TYW1B: variants seen among roughly 807,000 people sequenced by gnomAD.
TYW1B encodes the protein S-adenosyl-L-methionine-dependent tRNA 4-demethylwyosine synthase TYW1B.
A neutral mutation model predicts 86.9 loss-of-function variants in TYW1B; 73 were observed. The observed-to-expected ratio is 0.84, with a 90% confidence interval of 0.70 to 1.02. The LOEUF (loss-of-function observed/expected upper bound fraction) is 1.02. Ranked by LOEUF, TYW1B falls within the 50% of genes least tolerant of loss-of-function variation. The pLI is 0.00. For missense variants in TYW1B, 637 were observed against 827.4 expected (o/e 0.77, Z 2.82); for synonymous variants, 248 against 292.8 (o/e 0.85, Z 1.56).
Position 72,575,063 on chromosome 7 carries a change from T to C in TYW1B, c.*435A>G, listed in dbSNP as rs1810988912. 1 of 1,002,022 alleles carries C rather than the reference T, an allele frequency of 1.0e-6. No homozygotes were observed. Among genetic ancestry groups the C allele is most frequent in the Admixed American group, 5.3e-5 (1 of 18,916 alleles). The allele number at this position is 1,002,022 out of a possible 1,614,324, so 62.1% of individuals were successfully genotyped here. Reference sequence around the variant, plus strand: ...TCTTATCTTAGAAAGCACAGACACGTTTAGCTCAGGGTAGTGCAATTCAAT... The same window carrying C: ...TCTTATCTTAGAAAGCACAGACACGCTTAGCTCAGGGTAGTGCAATTCAAT... On this transcript the variant is annotated 3_prime_UTR_variant, in exon 14 of 14. Transcript: ENST00000620995.
chr7:72,612,607 C>T lies in TYW1B; in HGVS notation c.1785+4065G>A, dbSNP rs182615005. On this transcript the variant is annotated intron_variant, in intron 13 of 13. Coordinates refer to ENST00000620995, the MANE Select transcript of TYW1B (RefSeq NM_001145440.3). ...GGCTGAACAAAATCATCACCACTAA[C>T]GAGGGAGATGTGGACACCAGGTACC... 2.5e-4 allele frequency among the ~76,000 whole-genome samples: 38 copies of T among 152,168 alleles called. 1 individual carries two copies. The East Asian group carries it at 5.8e-3, about 23-fold the overall frequency.
At chr7:72,624,331 C>G (rs1812290635) in intron 12 of TYW1B, among the ~76,000 whole-genome samples, 1 of 152,104 alleles carries the variant, frequency 6.6e-6, no homozygotes, top group Admixed American at 6.5e-5. Context: ...TAAACATTTC[C>G]CTCCCCTTCT....
At chr7:72,656,625 A>C (rs1440546857) in intron 11 of TYW1B, among the ~76,000 whole-genome samples, 1 of 152,080 alleles carries the variant, frequency 6.6e-6, no homozygotes, top group Non-Finnish European at 1.5e-5. Context: ...AAAAAAAAGA[A>C]AAAAGAGAAT....
chr7:72,621,140 A>C (rs1554437900), intron 12 of TYW1B, among the ~76,000 whole-genome samples: 1 of 152,044 alleles, frequency 6.6e-6, no homozygotes, highest in Non-Finnish European at 1.5e-5. Context: ...GACAATGTCC[A>C]TCTGTCTGTC....
intron 11 of TYW1B, among the ~76,000 whole-genome samples, chr7:72,643,325 G>A (rs782455002): frequency 4.7e-4 from 71 of 152,238 alleles, no homozygotes; most frequent in Non-Finnish European, 9.0e-4. Context: ...CAGTGCTCAC[G>A]GCTGTAATCC....
intron 11 of TYW1B, among the ~76,000 whole-genome samples, chr7:72,631,339 C>G (rs562728899): frequency 1.3e-5 from 2 of 152,116 alleles, no homozygotes; most frequent in Non-Finnish European, 2.9e-5. Context: ...GTGGTGAAAC[C>G]CCGTCTCCAC....
At chr7:72,648,110 T>C (rs554867306) in intron 11 of TYW1B, among the ~76,000 whole-genome samples, 34 of 152,102 alleles carry the variant, frequency 2.2e-4, no homozygotes, top group Non-Finnish European at 4.7e-4. Flanking sequence ...TAGAAAGAAA[T>C]ACAACAAAAG....
rs570490463 is a variant in TYW1B at position 72,642,632 on chromosome 7, G to T, written c.1507-13635C>A. ...AAGCTGAAGTTCTAGGCTGGGCGCA[G>T]TGGCTCACGCCTGTAATCCCAGCAC... On this transcript the variant is annotated intron_variant, in intron 11 of 13. Transcript: ENST00000620995. 3.3e-5 allele frequency among the ~76,000 whole-genome samples: 5 copies of T among 152,380 alleles called. No homozygotes were observed. The East Asian group carries it at 9.6e-4, about 29-fold the overall frequency.
At chr7:72,628,846 T>C (rs781858506) in intron 12 of TYW1B, 41 bp downstream of exon 12, 13 of 1,537,520 alleles carry the variant, frequency 8.5e-6, no homozygotes, top group South Asian at 2.4e-5. Context: ...CCACGATTCT[T>C]TGTCACTCCA....
At chr7:72,661,573 TAAAA>T (rs1813331801) in intron 11 of TYW1B, among the ~76,000 whole-genome samples, 1 of 148,194 alleles carries the variant, frequency 6.7e-6, no homozygotes, top group Non-Finnish European at 1.5e-5. Context: ...TAAAGGTGTA[TAAAA>T]TGTTACTAAT....
intron 11 of TYW1B, among the ~76,000 whole-genome samples, chr7:72,653,396 G>A (rs1406092464): frequency 6.6e-6 from 1 of 152,078 alleles, no homozygotes; most frequent in Non-Finnish European, 1.5e-5. Flanking sequence ...CACGAGGTCA[G>A]GAGATCGAGA....
chr7:72,650,713 G>A (rs1177324530), intron 11 of TYW1B, among the ~76,000 whole-genome samples: 4 of 152,118 alleles, frequency 2.6e-5, no homozygotes, highest in African/African-American at 9.7e-5. Flanking sequence ...ACACATGCAT[G>A]CAAAAATAAC....
At chr7:72,609,796 A>C (rs527952189) in intron 13 of TYW1B, among the ~76,000 whole-genome samples, 1 of 152,078 alleles carries the variant, frequency 6.6e-6, no homozygotes, top group South Asian at 2.1e-4. Context: ...ATGACTGGAA[A>C]ATGACAAGAT....
At chr7:72,591,212 G>A (rs1337605310) in intron 13 of TYW1B, among the ~76,000 whole-genome samples, 3 of 151,932 alleles carry the variant, frequency 2.0e-5, no homozygotes, top group African/African-American at 4.8e-5. Context: ...ACCATCAAGT[G>A]AACTGACATT....
chr7:72,679,315 CAAAG>C (rs1813814347), intron 11 of TYW1B, among the ~76,000 whole-genome samples: 1 of 152,142 alleles, frequency 6.6e-6, no homozygotes. Flanking sequence ...CACATGTGCA[CAAAG>C]AGACACTCTC....
intron 11 of TYW1B, among the ~76,000 whole-genome samples, chr7:72,681,286 G>A (rs1223981821): frequency 1.3e-5 from 2 of 152,224 alleles, no homozygotes; most frequent in East Asian, 1.9e-4. Flanking sequence ...GTCAGTCACC[G>A]TGTTAAGGGC....
intron 5 of TYW1B, among the ~76,000 whole-genome samples, 198 bp downstream of exon 5, chr7:72,806,868 G>T (rs1365417097): frequency 1.3e-5 from 2 of 151,966 alleles, no homozygotes; most frequent in African/African-American, 4.8e-5. Flanking sequence ...GCCCAGGCTG[G>T]TCTTGAACTC....
intron 13 of TYW1B, among the ~76,000 whole-genome samples, chr7:72,613,382 A>AAT (rs1811983773): frequency 6.6e-6 from 1 of 150,840 alleles, no homozygotes; most frequent in African/African-American, 2.4e-5. Flanking sequence ...TAAAAATTAA[A>AAT]ATATTTACTT....
intron 7 of TYW1B, among the ~76,000 whole-genome samples, chr7:72,747,770 T>C (rs1163438970): frequency 6.6e-6 from 1 of 152,234 alleles, no homozygotes; most frequent in Admixed American, 6.5e-5. Flanking sequence ...TGGGGAGAAA[T>C]GACAGTTTAT....
Sources: gnomAD v4.1 joint callset for allele counts (sites outside exome capture counted in the v4.1 genomes callset) on GRCh38, gnomAD v4.1.1 for gene constraint, MANE v1.5 for transcripts, NCBI Gene and HGNC (gene_info 2026-07-23, HGNC 2026-07-21) for gene names.